Variants in CACNG3 observed in about 807,000 individuals in gnomAD.
The protein encoded by CACNG3 is voltage-dependent calcium channel gamma-3 subunit.
Under a neutral mutation model 28.5 loss-of-function variants are expected in CACNG3, and 3 were observed. The ratio of observed to expected loss-of-function variants is 0.11; its 90% CI spans 0.05 to 0.27. CACNG3 has a LOEUF of 0.27. Among genes scored for constraint, CACNG3 ranks in the 10% least tolerant of loss-of-function variants. The pLI is 1.00. For missense variants in CACNG3, 236 were observed against 414.4 expected, an observed-to-expected ratio of 0.57 and a Z score of 3.74; for synonymous variants, 174 against 162.2, an observed-to-expected ratio of 1.07 and a Z score of -0.55.
At chr16:24,336,595 T>C (rs1023737488) in intron 1 of CACNG3, among the ~76,000 whole-genome samples, 4 of 128,852 alleles carry the variant, frequency 3.1e-5, no homozygotes, top group African/African-American at 5.1e-5. Flanking sequence ...ATTTTCTAAC[T>C]GAGGAGATCA....
Position 24,361,981 on chromosome 16 carries a change from C to A in CACNG3, c.*118C>A. The stretch of plus-strand genomic sequence containing the variant: ...GTATTACTTTTTACAAAGAATGAAA[C>A]CAAATGGACTCAGCCCTCTCCCACA... On this transcript the variant is annotated 3_prime_UTR_variant, in exon 4 of 4. Transcript: ENST00000005284. This position sits in a 1 kb window ranked among gnomAD's most constrained non-coding sequence, Gnocchi z 6.8. 3 of 1,036,144 alleles carry A rather than the reference C, an allele frequency of 2.9e-6. No homozygotes were observed. Among genetic ancestry groups the A allele is most frequent in the Non-Finnish European group, 4.1e-6 (3 of 729,106 alleles). The allele number at this position is 1,036,144 out of a possible 1,614,324, so 64.2% of individuals were successfully genotyped here.
intron 1 of CACNG3, among the ~76,000 whole-genome samples, chr16:24,344,808 TTA>T (rs1899839222): frequency 6.6e-6 from 1 of 152,178 alleles, no homozygotes. Context: ...ACTCTTATTT[TTA>T]TGAGATCATA....
At chr16:24,301,376 T>G (rs1336974024) in intron 1 of CACNG3, among the ~76,000 whole-genome samples, 1 of 152,078 alleles carries the variant, frequency 6.6e-6, no homozygotes, top group Non-Finnish European at 1.5e-5. Context: ...TCCAGACAAC[T>G]TGGAATCTAG....
chr16:24,305,320 ATGTGTGTGTGTGTG>A (rs57584370), intron 1 of CACNG3, among the ~76,000 whole-genome samples: 3,737 of 136,190 alleles, frequency 0.027, 143 homozygotes, highest in African/African-American at 0.093. Context: ...ATACATAAAT[ATGTGTGTGTGTGTG>A]TGTGTGTGTG....
intron 1 of CACNG3, among the ~76,000 whole-genome samples, chr16:24,341,715 C>T (rs1374128763): frequency 6.6e-6 from 1 of 152,154 alleles, no homozygotes; most frequent in Non-Finnish European, 1.5e-5. Flanking sequence ...ACGTGGGACA[C>T]CAAAGACTGG....
At chr16:24,293,246 C>T (rs939058724) in intron 1 of CACNG3, among the ~76,000 whole-genome samples, 11 of 152,216 alleles carry the variant, frequency 7.2e-5, no homozygotes, top group African/African-American at 2.4e-4. Context: ...TCTCTGCACC[C>T]TGAAATAAAT....
At chr16:24,297,987 C>CTGTGTGTG (rs55859502) in intron 1 of CACNG3, among the ~76,000 whole-genome samples, 5 of 149,080 alleles carry the variant, frequency 3.4e-5, no homozygotes, top group African/African-American at 9.9e-5. Flanking sequence ...TTCAAAAGAT[C>CTGTGTGTG]TGTGTGTGTG....
At position 24,264,224 on chromosome 16, in the gene CACNG3, C is replaced by T. The variant is rs374603581; in HGVS notation, c.211+7259C>T. Among the ~76,000 whole-genome samples, 14 of 152,346 alleles carry T rather than the reference C, an allele frequency of 9.2e-5. No homozygotes were observed. In the East Asian group the frequency reaches 2.7e-3, roughly 29 times the overall value. On this transcript the variant is annotated intron_variant, in intron 1 of 3. Coordinates refer to ENST00000005284, the MANE Select transcript of CACNG3 (RefSeq NM_006539.4). Reference sequence around the variant, plus strand: ...TGTTGCCCTATACGAGGCTGCCTGGCCGAGGGGTCGAGTAGGGGCTGAGAG... The same window carrying T: ...TGTTGCCCTATACGAGGCTGCCTGGTCGAGGGGTCGAGTAGGGGCTGAGAG...
intron 3 of CACNG3, among the ~76,000 whole-genome samples, chr16:24,360,368 G>T (rs1900089778): frequency 6.6e-6 from 1 of 152,168 alleles, no homozygotes; most frequent in Admixed American, 6.5e-5. Context: ...CCTCTCCAGT[G>T]GGCTAAGCAG....
Position 24,361,829 on chromosome 16 carries a change from A to G in CACNG3, c.914A>G (p.Asn305Ser). The G allele has an allele frequency of 6.2e-7, 1 of 1,612,450 alleles. No homozygotes were observed. Among genetic ancestry groups the G allele is most frequent in the East Asian group, 2.2e-5 (1 of 44,876 alleles). Reference sequence around the variant, plus strand: ...AAAGAGTTCAAAGAGTCACTGCATAATAATCCGGCCAACAGGCGCACCACG... The same window carrying G: ...AAAGAGTTCAAAGAGTCACTGCATAGTAATCCGGCCAACAGGCGCACCACG... ...TPKEFKESLHNNPANRRTTPV is the reference protein window; with the variant it reads ...TPKEFKESLHSNPANRRTTPV The change falls in exon 4 of 4, where the codon AAT becomes AGT. Residue 305 changes from asparagine (N) to serine (S), a missense_variant. Physicochemically the swap from Asn to Ser is conservative, Grantham distance 46. Around this residue, in one of 2 missense-constraint regions of CACNG3, gnomAD observed 116 missense variants for 151.0 expected, o/e 0.77. Transcript: ENST00000005284. The surrounding 1 kb of genome is among the most constrained non-coding windows in gnomAD (Gnocchi z 6.8).
intron 1 of CACNG3, among the ~76,000 whole-genome samples, chr16:24,344,484 A>T (rs1205400983): frequency 1.3e-5 from 2 of 152,174 alleles, no homozygotes; most frequent in East Asian, 3.9e-4. Flanking sequence ...GTTACTTATT[A>T]TGATTTCTTA....
At chr16:24,353,190 G>T (rs1899980399) in intron 2 of CACNG3, among the ~76,000 whole-genome samples, 1 of 151,768 alleles carries the variant, frequency 6.6e-6, no homozygotes, top group African/African-American at 2.4e-5. Context: ...GCCCAGGTTG[G>T]TCTTGAACTC....
intron 1 of CACNG3, among the ~76,000 whole-genome samples, chr16:24,297,823 C>T (rs550329310): frequency 2.8e-4 from 43 of 152,220 alleles, no homozygotes; most frequent in African/African-American, 9.4e-4. Flanking sequence ...ACGTGGTCAG[C>T]AAGAAAACCC....
intron 1 of CACNG3, among the ~76,000 whole-genome samples, chr16:24,296,979 C>T (rs745734034): frequency 1.2e-4 from 19 of 152,072 alleles, no homozygotes; most frequent in African/African-American, 3.4e-4. Context: ...AAAATATTGA[C>T]GTTAGTTGGG....
intron 1 of CACNG3, among the ~76,000 whole-genome samples, chr16:24,345,094 T>G (rs1046376809): frequency 6.6e-6 from 1 of 152,218 alleles, no homozygotes; most frequent in African/African-American, 2.4e-5. Flanking sequence ...ACTTAATAAG[T>G]GTCAGCCATT....
intron 1 of CACNG3, among the ~76,000 whole-genome samples, chr16:24,279,337 G>A (rs1329974253): frequency 2.6e-5 from 4 of 152,060 alleles, no homozygotes; most frequent in Admixed American, 6.5e-5. Flanking sequence ...TCTGTTGGCC[G>A]GGCTGGAGTG....
intron 1 of CACNG3, among the ~76,000 whole-genome samples, chr16:24,273,490 C>G (rs1427146152): frequency 6.6e-6 from 1 of 152,196 alleles, no homozygotes; most frequent in Non-Finnish European, 1.5e-5. Flanking sequence ...ATGCCTGTAG[C>G]TGTATTTTTA....
chr16:24,333,207 C>T (rs1451826304), intron 1 of CACNG3, among the ~76,000 whole-genome samples: 1 of 152,100 alleles, frequency 6.6e-6, no homozygotes, highest in African/African-American at 2.4e-5. Flanking sequence ...ATGCCCCAAC[C>T]CTGCCACTCC....
chr16:24,276,673 C>T (rs1473261156), intron 1 of CACNG3, among the ~76,000 whole-genome samples: 1 of 152,184 alleles, frequency 6.6e-6, no homozygotes, highest in East Asian at 1.9e-4. Context: ...GAAGAGGCAA[C>T]ATGAGATTTC....
Sources: gnomAD v4.1 joint callset for allele counts (sites outside exome capture counted in the v4.1 genomes callset) on GRCh38, gnomAD v4.1.1 for gene constraint, gnomAD v4.1.1 regional missense constraint, Gnocchi (gnomAD v3.1) non-coding constraint, MANE v1.5 for transcripts, NCBI Gene and HGNC (gene_info 2026-07-23, HGNC 2026-07-21) for gene names.